Variants in LRP6 observed in about 807,000 individuals in gnomAD.
LRP6 encodes the protein LDL receptor related protein 6, also known as low-density lipoprotein receptor-related protein 6.
In LRP6, 43 loss-of-function variants were observed where a neutral mutation model predicts 184.1. The ratio of observed to expected loss-of-function variants is 0.23; its 90% CI spans 0.18 to 0.30. The LOEUF (loss-of-function observed/expected upper bound fraction) is 0.30. Among genes scored for constraint, LRP6 ranks in the 10% least tolerant of loss-of-function variants. The pLI is 1.00. For synonymous variants in LRP6, 719 were observed against 684.9 expected (o/e 1.05, Z -0.78); for missense variants, 1,571 against 2,005.3 (o/e 0.78, Z 4.14).
At chr12:12,215,776 C>A (rs1229319016) in intron 2 of LRP6, among the ~76,000 whole-genome samples, 1 of 151,588 alleles carries the variant, frequency 6.6e-6, no homozygotes, top group Non-Finnish European at 1.5e-5. Context: ...CTTTGGGAAG[C>A]CAAGGTGGGA....
At chr12:12,188,414 A>G (rs1863532369) in intron 3 of LRP6, among the ~76,000 whole-genome samples, 5 of 152,284 alleles carry the variant, frequency 3.3e-5, no homozygotes, top group African/African-American at 1.2e-4. Context: ...AAGGGAAAGC[A>G]TAAGCTACTG....
intron 2 of LRP6, among the ~76,000 whole-genome samples, chr12:12,239,258 A>G (rs1162830004): frequency 6.6e-6 from 1 of 152,250 alleles, no homozygotes; most frequent in African/African-American, 2.4e-5. Context: ...CTAAAGCTTT[A>G]GATTTTAAAT....
chr12:12,199,150 C>T (rs1169628123), intron 3 of LRP6, among the ~76,000 whole-genome samples: 1 of 151,174 alleles, frequency 6.6e-6, no homozygotes, highest in African/African-American at 2.4e-5. Flanking sequence ...AAAAGGAGCA[C>T]AAATGGATGA....
intron 7 of LRP6, among the ~76,000 whole-genome samples, chr12:12,173,016 T>C (rs1185188267): frequency 6.6e-6 from 1 of 152,214 alleles, no homozygotes; most frequent in African/African-American, 2.4e-5. Context: ...TTTTATAATA[T>C]TTTTTGCAAG....
intron 15 of LRP6, among the ~76,000 whole-genome samples, chr12:12,139,970 G>A (rs975702853): frequency 6.6e-6 from 1 of 152,126 alleles, no homozygotes; most frequent in African/African-American, 2.4e-5. Context: ...ACAAAGGTAG[G>A]AGTTATGTGG....
rs1950025109 is a variant in LRP6 at position 12,147,448 on chromosome 12, A to C, written c.3315T>G (p.Ile1105Met). 6.2e-7 allele frequency: 1 copy of C among 1,614,052 alleles called. No homozygotes were observed. The highest frequency in any genetic ancestry group is 8.5e-7 in the Non-Finnish European group (1 of 1,180,026). ...CCAGCCTGCTATCAAGGGCTAAAGC[A>C]ATTGGTTTACTTAAGCCACTGAAAA... Reference protein sequence around the residue: ...VLFFSGLSKPIALALDSRLGK... With the variant: ...VLFFSGLSKPMALALDSRLGK... Residue 1105 changes from isoleucine to methionine, a missense_variant, in exon 15 of 23, where the codon ATT becomes ATG. By Grantham distance (10) the Ile-to-Met change is conservative. This residue lies in a region of LRP6 where 763 missense variants were observed against 859.5 expected (regional missense o/e 0.89). Transcript: ENST00000261349.
At chr12:12,206,212 T>C (rs1864052873) in intron 2 of LRP6, among the ~76,000 whole-genome samples, 1 of 152,114 alleles carries the variant, frequency 6.6e-6, no homozygotes, top group African/African-American at 2.4e-5. Flanking sequence ...AAGCGACACA[T>C]GACTATATAT....
chr12:12,164,375 G>C lies in LRP6; in HGVS notation c.1950C>G (p.Asn650Lys). ...TGAGTGGAATAGCCACATTATTATT[G>C]TTTGTTTCCAGAGAAATTCGTCTGA... ...ADIRRISLET[N>K]NNNVAIPLTG... The change falls in exon 9 of 23, where the codon AAC (asparagine) becomes AAG (lysine). Residue 650 changes from asparagine to lysine, a missense_variant. Transcript: ENST00000261349. 6.2e-7 allele frequency: 1 copy of C among 1,614,106 alleles called. No individual in the cohort carries two copies. The highest frequency in any genetic ancestry group is 8.5e-7 in the Non-Finnish European group (1 of 1,180,002).
chr12:12,258,461 AG>A (rs1230159443), intron 1 of LRP6, among the ~76,000 whole-genome samples: 1 of 152,232 alleles, frequency 6.6e-6, no homozygotes, highest in African/African-American at 2.4e-5. Context: ...TGAACGATTG[AG>A]TCAAAACACA....
intron 2 of LRP6, among the ~76,000 whole-genome samples, chr12:12,227,609 A>AT (rs1018801627): frequency 6.6e-6 from 1 of 152,068 alleles, no homozygotes; most frequent in Non-Finnish European, 1.5e-5. Flanking sequence ...GGGTTTCACC[A>AT]TGTTGGCCAG....
chr12:12,144,926 T>G, intron 15 of LRP6, among the ~76,000 whole-genome samples: 1 of 95,876 alleles, frequency 1.0e-5, no homozygotes, highest in Non-Finnish European at 2.1e-5. Context: ...GGTGGGGGGC[T>G]AGGGGAGGGA....
chr12:12,260,434 A>C (rs1865585248), intron 1 of LRP6, among the ~76,000 whole-genome samples: 1 of 152,158 alleles, frequency 6.6e-6, no homozygotes, highest in Non-Finnish European at 1.5e-5. Context: ...CAAACAAAAC[A>C]GAAATTTCCA....
chr12:12,251,418 C>T (rs1296786172), intron 1 of LRP6, among the ~76,000 whole-genome samples: 1 of 152,036 alleles, frequency 6.6e-6, no homozygotes, highest in Non-Finnish European at 1.5e-5. Context: ...GGCTGGAGAG[C>T]AGTGGTGGGA....
intron 7 of LRP6, among the ~76,000 whole-genome samples, chr12:12,172,653 T>C (rs1465395572): frequency 6.6e-6 from 1 of 152,238 alleles, no homozygotes; most frequent in Admixed American, 6.5e-5. Context: ...TAAAAGCTTA[T>C]ACATAAGGAA....
intron 10 of LRP6, 114 bp from the exon 11 acceptor site, chr12:12,160,078 G>A: frequency 1.3e-6 from 1 of 751,992 alleles, no homozygotes; most frequent in South Asian, 2.2e-5. Context: ...GCAAATCAAG[G>A]AAATGGGTTA....
Position 12,158,845 on chromosome 12 carries a change from G to C in LRP6, c.2775C>G (p.Asp925Glu). The change falls in exon 12 of 23, where the codon GAC (aspartate) becomes GAG (glutamate). Residue 925 changes from aspartate (D) to glutamate (E), a missense_variant. By Grantham distance (45) the Asp-to-Glu change is conservative (BLOSUM62 2). Transcript: ENST00000261349. Reference protein sequence around the residue: ...GCPAHYSLNADNRTCSAPTTF... With the variant: ...GCPAHYSLNAENRTCSAPTTF... ...GCAGCTTACCACTACAAGTCCTGTTGTCAGCATTAAGAGAGTAGTGGGCAG... is the reference window on the plus strand; with the variant it reads ...GCAGCTTACCACTACAAGTCCTGTTCTCAGCATTAAGAGAGTAGTGGGCAG... 6.2e-7 allele frequency: 1 copy of C among 1,614,122 alleles called. No individual in the cohort carries two copies. The highest frequency in any genetic ancestry group is 8.5e-7 in the Non-Finnish European group (1 of 1,180,016).
At chr12:12,266,419 G>A (rs956618533) in intron 1 of LRP6, among the ~76,000 whole-genome samples, 11 of 152,164 alleles carry the variant, frequency 7.2e-5, no homozygotes, top group African/African-American at 2.4e-4. Context: ...GGTGCCAAGG[G>A]TTCCCTAAGA....
intron 1 of LRP6, among the ~76,000 whole-genome samples, chr12:12,250,128 T>C (rs1176590263): frequency 2.6e-5 from 4 of 152,116 alleles, no homozygotes; most frequent in Non-Finnish European, 5.9e-5. Context: ...CCTTTCCTTT[T>C]CTACTTCTAA....
chr12:12,246,441 G>A (rs1017535724), intron 1 of LRP6, among the ~76,000 whole-genome samples: 2 of 151,852 alleles, frequency 1.3e-5, no homozygotes, highest in African/African-American at 2.4e-5. Flanking sequence ...AGCCAGGCAC[G>A]GTGGCTCACG....
Sources: gnomAD v4.1 joint callset for allele counts (sites outside exome capture counted in the v4.1 genomes callset) on GRCh38, gnomAD v4.1.1 for gene constraint, gnomAD v4.1.1 regional missense constraint, MANE v1.5 for transcripts, NCBI Gene and HGNC (gene_info 2026-07-23, HGNC 2026-07-21) for gene names.